The following RALYL variants were observed in gnomAD, a reference collection of about 807,000 sequenced individuals.
RALYL encodes the protein RALY RNA binding protein like.
RALYL carries 29 observed loss-of-function variants against 35.1 expected under a neutral mutation model. That is an observed-to-expected ratio of 0.83 (90% CI 0.61 to 1.13). The LOEUF is 1.13. RALYL is among the 50% of genes most tolerant of loss of function. The pLI is 0.00. For synonymous variants in RALYL, 120 were observed against 127.6 expected, an observed-to-expected ratio of 0.94 and a Z score of 0.40; for missense variants, 359 against 360.4, an observed-to-expected ratio of 1.00 and a Z score of 0.03.
chr8:84,786,803 G>C (rs1275926398), intron 3 of RALYL, among the ~76,000 whole-genome samples: 1 of 151,898 alleles, frequency 6.6e-6, no homozygotes, highest in East Asian at 1.9e-4. Flanking sequence ...GATAATAGTT[G>C]CTTTTGCTGT....
intron 2 of RALYL, among the ~76,000 whole-genome samples, chr8:84,620,251 C>A (rs559307419): frequency 1.0e-3 from 155 of 152,314 alleles, no homozygotes; most frequent in African/African-American, 3.4e-3. Context: ...TAGATTTGGT[C>A]TTTTCACATA....
rs10103087 is a variant in RALYL, at chr8:84,815,464, G to T, written c.365+10662G>T. On this transcript the variant is annotated intron_variant, in intron 4 of 8. Coordinates refer to ENST00000521268, the MANE Select transcript of RALYL (RefSeq NM_173848.7). ...TTATTATAAATACATAATACTGAAT[G>T]TTTATATTATTATAAATAAAATATA... Among the ~76,000 whole-genome samples the T allele has an allele frequency of 9.6e-3, 1,411 of 147,258 alleles. 13 individuals carry two copies. The highest frequency in any genetic ancestry group is 0.033 in the African/African-American group (1,350 of 40,586).
At chr8:84,286,063 C>A (rs950572826) in intron 1 of RALYL, among the ~76,000 whole-genome samples, 9 of 152,120 alleles carry the variant, frequency 5.9e-5, no homozygotes, top group African/African-American at 2.2e-4. Flanking sequence ...ATTGTAGATA[C>A]ACATTGACAG....
intron 2 of RALYL, among the ~76,000 whole-genome samples, chr8:84,554,647 A>G (rs1468092043): frequency 6.6e-6 from 1 of 152,204 alleles, no homozygotes; most frequent in African/African-American, 2.4e-5. Context: ...TTGCTCTCCT[A>G]GCTCAGAAGA....
At chr8:84,651,514 A>G (rs1287009071) in intron 2 of RALYL, among the ~76,000 whole-genome samples, 1 of 152,012 alleles carries the variant, frequency 6.6e-6, no homozygotes. Context: ...CAGCAATTAA[A>G]TTTAGAGATA....
chr8:84,565,973 A>G (rs532809530), intron 2 of RALYL, among the ~76,000 whole-genome samples: 1 of 151,752 alleles, frequency 6.6e-6, no homozygotes, highest in East Asian at 1.9e-4. Context: ...AAATGAATTA[A>G]TTGCTTTGTG....
chr8:84,479,377 T>C (rs919164128), intron 1 of RALYL, among the ~76,000 whole-genome samples: 1 of 152,136 alleles, frequency 6.6e-6, no homozygotes, highest in Non-Finnish European at 1.5e-5. Flanking sequence ...TAAACATTTA[T>C]ATATTAAAGT....
chr8:84,822,573 T>A (rs913693984), intron 4 of RALYL, among the ~76,000 whole-genome samples: 1 of 152,160 alleles, frequency 6.6e-6, no homozygotes, highest in African/African-American at 2.4e-5. Flanking sequence ...GATAGTTTCC[T>A]ACTATTGTGA....
chr8:84,248,032 T>A (rs1213230034), intron 1 of RALYL, among the ~76,000 whole-genome samples: 2 of 152,164 alleles, frequency 1.3e-5, no homozygotes, highest in African/African-American at 4.8e-5. Context: ...ACTAATAAAT[T>A]TTAATCATGA....
intron 8 of RALYL, among the ~76,000 whole-genome samples, chr8:84,912,748 C>A (rs1847712932): frequency 6.6e-6 from 1 of 152,022 alleles, no homozygotes; most frequent in Non-Finnish European, 1.5e-5. Context: ...TGCCAACCTT[C>A]ACACAAGGGG....
rs186901035 is a variant in RALYL at position 84,363,701 on chromosome 8, C to T, written c.-23-165598C>T. 1.1e-4 allele frequency among the ~76,000 whole-genome samples: 16 copies of T among 152,234 alleles called. No homozygotes were observed. The East Asian group carries it at 1.9e-3, about 18-fold the overall frequency. On this transcript the variant is annotated intron_variant, in intron 1 of 8. Coordinates refer to ENST00000521268, the MANE Select transcript of RALYL (RefSeq NM_173848.7). ...GAGGAGGGGTTGGGAAGCGTAAAAA[C>T]GGATGAATAAGGAAGGCATCCCAGG...
intron 2 of RALYL, among the ~76,000 whole-genome samples, chr8:84,735,331 A>G (rs181614257): frequency 7.0e-4 from 107 of 152,236 alleles, no homozygotes; most frequent in African/African-American, 2.6e-3. Context: ...AAAAACTCCT[A>G]TCCAACTAAC....
intron 2 of RALYL, among the ~76,000 whole-genome samples, chr8:84,676,380 T>C (rs2131892758): frequency 6.6e-6 from 1 of 152,320 alleles, no homozygotes; most frequent in Admixed American, 6.5e-5. Context: ...CATGCAAATA[T>C]ACAAAGCTTG....
At chr8:84,284,775 A>AATT (rs1837282364) in intron 1 of RALYL, among the ~76,000 whole-genome samples, 1 of 152,232 alleles carries the variant, frequency 6.6e-6, no homozygotes, top group Non-Finnish European at 1.5e-5. Flanking sequence ...ACTCAGTAAT[A>AATT]GCAGAAGATG....
intron 1 of RALYL, among the ~76,000 whole-genome samples, chr8:84,370,520 A>C (rs1855475202): frequency 6.6e-6 from 1 of 152,028 alleles, no homozygotes; most frequent in African/African-American, 2.4e-5. Context: ...TGAGTCTGTT[A>C]AACGGGGAAC....
chr8:84,201,775 C>T (rs1816899757), intron 1 of RALYL, among the ~76,000 whole-genome samples: 1 of 152,004 alleles, frequency 6.6e-6, no homozygotes, highest in Non-Finnish European at 1.5e-5. Flanking sequence ...CTATGTTGCT[C>T]AGGTTAGTCT....
Position 84,568,516 on chromosome 8 carries a change from G to A in RALYL, c.256+38939G>A, listed in dbSNP as rs771134270. On this transcript the variant is annotated intron_variant, in intron 2 of 8. Transcript: ENST00000521268. ...ATAATGCCGCAATAAACATACATGT[G>A]CATGTGTCTTTATAGCAGCATGATT... 4.2e-3 allele frequency among the ~76,000 whole-genome samples: 630 copies of A among 149,208 alleles called. 4 individuals are homozygous for A. Among genetic ancestry groups the A allele is most frequent in the Non-Finnish European group, 7.0e-3 (469 of 67,018 alleles).
intron 1 of RALYL, among the ~76,000 whole-genome samples, chr8:84,432,699 G>C (rs2047270076): frequency 6.6e-6 from 1 of 152,042 alleles, no homozygotes; most frequent in Non-Finnish European, 1.5e-5. Flanking sequence ...TATGCCTGGA[G>C]TTTTATAAGA....
chr8:84,197,609 C>G (rs1815653270), intron 1 of RALYL, among the ~76,000 whole-genome samples: 1 of 151,936 alleles, frequency 6.6e-6, no homozygotes, highest in Non-Finnish European at 1.5e-5. Context: ...CATTGAGCTC[C>G]AGAAGATGAG....
Sources: gnomAD v4.1 joint callset for allele counts (sites outside exome capture counted in the v4.1 genomes callset) on GRCh38, gnomAD v4.1.1 for gene constraint, MANE v1.5 for transcripts, NCBI Gene and HGNC (gene_info 2026-07-23, HGNC 2026-07-21) for gene names.